The following PRDM2 variants were observed in gnomAD, a reference collection of about 807,000 sequenced individuals.
The protein encoded by PRDM2 is PR domain zinc finger protein 2.
A neutral mutation model predicts 130.0 loss-of-function variants in PRDM2; 30 were observed. The observed-to-expected ratio is 0.23, with a 90% CI of 0.17 to 0.31. The LOEUF is 0.31. PRDM2 is among the 10% of genes least tolerant of loss of function. The probability of loss-of-function intolerance (pLI) is 1.00; values close to 1 mark genes in which losing one functional copy is unlikely to be tolerated. For synonymous variants in PRDM2, 871 were observed against 782.4 expected, an observed-to-expected ratio of 1.11 and a Z score of -1.89; for missense variants, 2,011 against 2,108.4, an observed-to-expected ratio of 0.95 and a Z score of 0.90.
chr1:13,821,773 GAAC>G (rs1258639241), intron 9 of PRDM2, among the ~76,000 whole-genome samples: 1 of 152,114 alleles, frequency 6.6e-6, no homozygotes, highest in Non-Finnish European at 1.5e-5. Context: ...AGCCTGCAGT[GAAC>G]ATTATTAAGG....
chr1:13,728,573 G>A (rs2473229), intron 2 of PRDM2, among the ~76,000 whole-genome samples: 3,629 of 152,270 alleles, frequency 0.024, 60 homozygotes, highest in Middle Eastern at 0.041. Flanking sequence ...GAGGTGCTCT[G>A]TTGTAGTTTG....
intron 9 of PRDM2, among the ~76,000 whole-genome samples, chr1:13,818,003 C>A (rs1361095079): frequency 6.6e-6 from 1 of 152,158 alleles, no homozygotes; most frequent in Admixed American, 6.5e-5. Flanking sequence ...AGATGCCCAG[C>A]ATGGAAGTGG....
intron 2 of PRDM2, among the ~76,000 whole-genome samples, chr1:13,728,050 T>C (rs1452476164): frequency 6.6e-6 from 1 of 152,222 alleles, no homozygotes; most frequent in Non-Finnish European, 1.5e-5. Flanking sequence ...TCCAGAAGAA[T>C]ACCTACCTCA....
At chr1:13,727,172 GT>G (rs1642946295) in intron 2 of PRDM2, among the ~76,000 whole-genome samples, 1 of 152,072 alleles carries the variant, frequency 6.6e-6, no homozygotes, top group African/African-American at 2.4e-5. Flanking sequence ...TTCCTGACAT[GT>G]TTCCCCAATA....
At chr1:13,706,888 T>A (rs1234279708) in intron 1 of PRDM2, among the ~76,000 whole-genome samples, 1 of 152,150 alleles carries the variant, frequency 6.6e-6, no homozygotes, top group African/African-American at 2.4e-5. Flanking sequence ...TTTTTAAATG[T>A]TTGTGAGAAG....
chr1:13,711,105 A>T (rs1267597158), intron 1 of PRDM2, among the ~76,000 whole-genome samples: 3 of 149,518 alleles, frequency 2.0e-5, no homozygotes. Flanking sequence ...AAAAAAGAGC[A>T]TTTGGTAGAA....
At chr1:13,788,118 G>T in intron 8 of PRDM2, 1 of 951,814 alleles carries the variant, frequency 1.1e-6, no homozygotes, top group Non-Finnish European at 1.3e-6. Context: ...ATTGGGAGCA[G>T]TTAGGGGGTA....
intron 8 of PRDM2, among the ~76,000 whole-genome samples, chr1:13,792,125 G>A (rs561657701): frequency 3.7e-4 from 56 of 152,302 alleles, no homozygotes; most frequent in African/African-American, 1.2e-3. Flanking sequence ...GCCCAGGTTT[G>A]TGTTCTGATT....
intron 2 of PRDM2, among the ~76,000 whole-genome samples, chr1:13,728,480 A>T (rs990577780): frequency 1.3e-5 from 2 of 152,198 alleles, no homozygotes; most frequent in Non-Finnish European, 2.9e-5. Context: ...AGCCACGGCC[A>T]TGGAGAGTCC....
At chr1:13,708,998 G>C (rs1642290155) in intron 1 of PRDM2, among the ~76,000 whole-genome samples, 1 of 152,162 alleles carries the variant, frequency 6.6e-6, no homozygotes, top group South Asian at 2.1e-4. Context: ...TACGAAGCTA[G>C]ATGATTACTC....
intron 1 of PRDM2, among the ~76,000 whole-genome samples, chr1:13,702,572 G>A (rs975504713): frequency 2.0e-5 from 3 of 152,130 alleles, no homozygotes; most frequent in African/African-American, 7.2e-5. Context: ...GGCTGTGGCT[G>A]TGCAGTTATG....
Position 13,780,002 on chromosome 1 carries a change from G to A in PRDM2, c.2207G>A (p.Arg736Gln). The change falls in exon 8 of 10, where the codon CGG (arginine) becomes CAG (glutamine). Residue 736 changes from arginine (R) to glutamine (Q), a missense_variant. By Grantham distance (43) the Arg-to-Gln change is conservative. This residue lies in a region of PRDM2 where 1,288 missense variants were observed against 1,237.7 expected (regional missense o/e 1.04). Coordinates refer to ENST00000311066, the MANE Select transcript of PRDM2 (RefSeq NM_001393986.1). ...GTGACCTCAAGTAGGTTTAAGAGGC[G>A]GACCAGCTCTCCTCCCAGTTCTCCA... ...LPVTSSRFKR[R>Q]TSSPPSSPQH... is the part of the protein sequence containing the mutation. 1 of 1,614,168 alleles carries A rather than the reference G, an allele frequency of 6.2e-7. No homozygotes were observed. The highest frequency in any genetic ancestry group is 8.5e-7 in the Non-Finnish European group (1 of 1,180,018).
At chr1:13,807,649 G>A (rs547341179) in intron 8 of PRDM2, among the ~76,000 whole-genome samples, 10 of 152,292 alleles carry the variant, frequency 6.6e-5, no homozygotes, top group Admixed American at 2.6e-4. Flanking sequence ...AGCCTGTGCC[G>A]AGTCCCTGAG....
intron 6 of PRDM2, among the ~76,000 whole-genome samples, chr1:13,760,059 GTTA>G (rs1272781865): frequency 1.3e-5 from 2 of 152,042 alleles, no homozygotes; most frequent in African/African-American, 4.8e-5. Context: ...CCTATTTTTA[GTTA>G]TTATAAATCC....
At chr1:13,706,700 T>C (rs1345013115) in intron 1 of PRDM2, among the ~76,000 whole-genome samples, 5 of 152,116 alleles carry the variant, frequency 3.3e-5, no homozygotes, top group African/African-American at 1.2e-4. Context: ...CTTTCATCTT[T>C]TTTTTTTTAA....
intron 8 of PRDM2, among the ~76,000 whole-genome samples, chr1:13,792,539 A>C (rs983210396): frequency 6.6e-6 from 1 of 152,194 alleles, no homozygotes. Flanking sequence ...ACCCAGCTAG[A>C]GTTTAGAACA....
intron 8 of PRDM2, among the ~76,000 whole-genome samples, chr1:13,815,504 G>A (rs866395827): frequency 4.6e-5 from 5 of 109,184 alleles, no homozygotes; most frequent in Middle Eastern, 5.0e-3. Flanking sequence ...GAGAAAGGCA[G>A]ACACCTTATT....
At chr1:13,776,892 C>T (rs1209233643) in intron 7 of PRDM2, among the ~76,000 whole-genome samples, 1 of 152,192 alleles carries the variant, frequency 6.6e-6, no homozygotes, top group Non-Finnish European at 1.5e-5. Context: ...TGACCTCATC[C>T]AGTCCAGTGC....
chr1:13,788,501 C>G (rs1360883689), intron 8 of PRDM2, among the ~76,000 whole-genome samples: 1 of 152,178 alleles, frequency 6.6e-6, no homozygotes. Context: ...TTAAAAATGG[C>G]TGACTATAAG....
Sources: allele counts gnomAD v4.1 joint callset (sites outside exome capture counted in the v4.1 genomes callset), GRCh38; gene constraint gnomAD v4.1.1; regional missense constraint gnomAD v4.1.1; transcripts MANE v1.5; gene names NCBI Gene and HGNC (gene_info 2026-07-23, HGNC 2026-07-21).